Variants in SLC16A1 observed in about 807,000 individuals in gnomAD.
SLC16A1 encodes the protein solute carrier family 16 member 1, also known as monocarboxylate transporter 1.
SLC16A1 carries 11 observed loss-of-function variants against 32.2 expected under a neutral mutation model. The ratio of observed to expected loss-of-function variants is 0.34; its 90% CI spans 0.21 to 0.56. SLC16A1 has a LOEUF of 0.56. Ranked by LOEUF, SLC16A1 falls within the 20% of genes least tolerant of loss-of-function variation. The pLI is 0.87. For synonymous variants in SLC16A1, 231 were observed against 226.8 expected, an observed-to-expected ratio of 1.02 and a Z score of -0.17; for missense variants, 435 against 615.0, an observed-to-expected ratio of 0.71 and a Z score of 3.10.
Position 112,914,077 on chromosome 1 carries a change from A to C in SLC16A1, c.1317T>G (p.Ile439Met), listed in dbSNP as rs535371572. 3 of 1,614,212 alleles carry C rather than the reference A, an allele frequency of 1.9e-6. No individual in the cohort carries two copies. The South Asian group carries it at 3.3e-5, about 18-fold the overall frequency. Residue 439 changes from isoleucine to methionine, a missense_variant, in exon 5 of 5, where the codon ATT becomes ATG. Around this residue, in one of 2 missense-constraint regions of SLC16A1, gnomAD observed 111 missense variants for 114.7 expected, o/e 0.97. Transcript: ENST00000369626. ...VLIISGIYLF[I>M]GMGINYRLLA... ...AAAGTCGATAATTGATGCCCATGCC[A>C]ATGAAGAGATAGATACCTGAAATAA...
chr1:112,946,936 T>A (rs919545162), intron 1 of SLC16A1, among the ~76,000 whole-genome samples: 31 of 149,818 alleles, frequency 2.1e-4, no homozygotes, highest in Non-Finnish European at 1.5e-4. Flanking sequence ...TAATGCTTCA[T>A]TTTTGCCTTC....
chr1:112,934,799 AAT>A (rs778927710), intron 1 of SLC16A1, among the ~76,000 whole-genome samples: 1 of 152,208 alleles, frequency 6.6e-6, no homozygotes, highest in Non-Finnish European at 1.5e-5. Flanking sequence ...TTATCTGTAG[AAT>A]ATCTTTGTTG....
In SLC16A1 at chr1:112,912,650, A is replaced by G. The variant is rs1648361382; in HGVS notation, c.*1241T>C. 1 of 152,168 alleles carries G rather than the reference A, an allele frequency of 6.6e-6. No individual in the cohort carries two copies. Among genetic ancestry groups the G allele is most frequent in the Admixed American group, 6.5e-5 (1 of 15,268 alleles). The allele number at this position is 152,168 out of a possible 1,614,324, so 9.4% of individuals were successfully genotyped here. ...GTGGAGGGTAAAAATGCATCCAGCA[A>G]TTCTAAGCACAACAATTTTCTGTAA... On this transcript the variant is annotated 3_prime_UTR_variant, in exon 5 of 5. Coordinates refer to ENST00000369626, the MANE Select transcript of SLC16A1 (RefSeq NM_003051.4).
rs1012095101 is a variant in SLC16A1, at chr1:112,956,099, C to G, written c.-109G>C. On this transcript the variant is annotated 5_prime_UTR_variant, in exon 1 of 5. Coordinates refer to ENST00000369626, the MANE Select transcript of SLC16A1 (RefSeq NM_003051.4). ...CGTGGTGGCGCAGGCTGGAGTTCCACGGGGCCCAGGGTCCGGCTCCCGTCC... is the reference window on the plus strand; with the variant it reads ...CGTGGTGGCGCAGGCTGGAGTTCCAGGGGGCCCAGGGTCCGGCTCCCGTCC... 1 of 152,412 alleles carries G rather than the reference C, an allele frequency of 6.6e-6. No homozygotes were observed. Among genetic ancestry groups the G allele is most frequent in the South Asian group, 2.1e-4 (1 of 4,836 alleles). The allele number at this position is 152,412 out of a possible 1,614,324, so 9.4% of individuals were successfully genotyped here.
chr1:112,944,948 C>T (rs1033786842), intron 1 of SLC16A1, among the ~76,000 whole-genome samples: 18 of 151,710 alleles, frequency 1.2e-4, no homozygotes, highest in Non-Finnish European at 2.4e-4. Flanking sequence ...CCGTCTCGGC[C>T]TCCCAAAGTG....
At chr1:112,947,049 C>T (rs1348506146) in intron 1 of SLC16A1, among the ~76,000 whole-genome samples, 1 of 152,122 alleles carries the variant, frequency 6.6e-6, no homozygotes, top group African/African-American at 2.4e-5. Context: ...CAAATATAGA[C>T]CCATTTCACA....
chr1:112,924,207 C>T, intron 2 of SLC16A1: 12 of 1,515,748 alleles, frequency 7.9e-6, no homozygotes, highest in Admixed American at 1.7e-5. Context: ...CGCAGTCATC[C>T]TGGGCATGTC....
At chr1:112,951,724 C>G (rs1040999852) in intron 1 of SLC16A1, among the ~76,000 whole-genome samples, 2 of 151,714 alleles carry the variant, frequency 1.3e-5, no homozygotes, top group Admixed American at 1.3e-4. Flanking sequence ...ACATCAAGTG[C>G]TAAAAACACT....
At chr1:112,951,173 C>T (rs1311354365) in intron 1 of SLC16A1, among the ~76,000 whole-genome samples, 1 of 151,952 alleles carries the variant, frequency 6.6e-6, no homozygotes, top group African/African-American at 2.4e-5. Context: ...TAAAAATCTC[C>T]TATAACACTC....
At chr1:112,926,552 A>G (rs557606148) in intron 2 of SLC16A1, among the ~76,000 whole-genome samples, 1 of 151,994 alleles carries the variant, frequency 6.6e-6, no homozygotes, top group Non-Finnish European at 1.5e-5. Context: ...CACTGTAGTC[A>G]TAAGACTTTG....
At chr1:112,918,363 T>G (rs1258327768) in intron 3 of SLC16A1, among the ~76,000 whole-genome samples, 1 of 152,212 alleles carries the variant, frequency 6.6e-6, no homozygotes, top group Non-Finnish European at 1.5e-5. Context: ...AGTAAGCACT[T>G]AATACATGTT....
At chr1:112,936,613 T>C (rs969564282) in intron 1 of SLC16A1, among the ~76,000 whole-genome samples, 4 of 152,166 alleles carry the variant, frequency 2.6e-5, no homozygotes, top group Middle Eastern at 3.2e-3. Flanking sequence ...TCTAGGACTA[T>C]GCATTCTGGA....
At chr1:112,948,668 T>G (rs1649785008) in intron 1 of SLC16A1, among the ~76,000 whole-genome samples, 1 of 151,968 alleles carries the variant, frequency 6.6e-6, no homozygotes, top group African/African-American at 2.4e-5. Flanking sequence ...CATGCCCAGC[T>G]GATTTTTATA....
intron 2 of SLC16A1, chr1:112,922,347 G>T (rs1648766080): frequency 1.7e-6 from 1 of 581,274 alleles, no homozygotes; most frequent in Non-Finnish European, 3.0e-6. Flanking sequence ...AAAAATACTG[G>T]ATGGAATTTT....
intron 2 of SLC16A1, among the ~76,000 whole-genome samples, chr1:112,922,858 G>A (rs1223724513): frequency 2.0e-5 from 3 of 152,198 alleles, no homozygotes; most frequent in East Asian, 1.9e-4. Flanking sequence ...GATAGGAGAC[G>A]TATAAATGCA....
chr1:112,931,371 C>T (rs559617820), intron 1 of SLC16A1, among the ~76,000 whole-genome samples: 11 of 151,932 alleles, frequency 7.2e-5, no homozygotes, highest in South Asian at 2.1e-4. Flanking sequence ...TTAGGCCAGG[C>T]GCAGTGGCTC....
chr1:112,943,187 A>G (rs971104688), intron 1 of SLC16A1, among the ~76,000 whole-genome samples: 54 of 152,364 alleles, frequency 3.5e-4, no homozygotes, highest in African/African-American at 1.1e-3. Flanking sequence ...TACCCACATC[A>G]GTACAACTTT....
rs764655183 is a variant in SLC16A1 at position 112,931,165 on chromosome 1, C to CA, written c.-44-1814dup. Among the ~76,000 whole-genome samples the CA allele has an allele frequency of 1.7e-4, 26 of 150,316 alleles. No homozygotes were observed. In the South Asian group the frequency reaches 2.3e-3, roughly 13 times the overall value. ...GACTCACTAGATATGTAGCAATTTACAAAAAAAAAGATAATTCTGAACACC... is the reference window on the plus strand; with the variant it reads ...GACTCACTAGATATGTAGCAATTTACAAAAAAAAAAGATAATTCTGAACACC... On this transcript the variant is annotated intron_variant, in intron 1 of 4. Transcript: ENST00000369626.
chr1:112,944,481 A>T (rs1649624993), intron 1 of SLC16A1, among the ~76,000 whole-genome samples: 1 of 152,188 alleles, frequency 6.6e-6, no homozygotes, highest in South Asian at 2.1e-4. Flanking sequence ...AGTAGTTTTA[A>T]AACATGACAA....
Sources: allele counts gnomAD v4.1 joint callset (sites outside exome capture counted in the v4.1 genomes callset), GRCh38; gene constraint gnomAD v4.1.1; regional missense constraint gnomAD v4.1.1; transcripts MANE v1.5; gene names NCBI Gene and HGNC (gene_info 2026-07-23, HGNC 2026-07-21).